The following FAM24B variants were observed in gnomAD, a reference collection of about 807,000 sequenced individuals.
FAM24B encodes the protein family with sequence similarity 24 member B.
A neutral mutation model predicts 2.3 loss-of-function variants in FAM24B; 3 were observed. That is an observed-to-expected ratio of 1.29 (90% CI 0.59 to 3.32). The LOEUF (loss-of-function observed/expected upper bound fraction) is 3.32, where lower values mean the gene tolerates loss of function less well. Ranked by LOEUF, FAM24B falls within the 30% of genes most tolerant of loss-of-function variation. The probability of loss-of-function intolerance (pLI) is 0.03; values close to 1 mark genes in which losing one functional copy is unlikely to be tolerated. For missense variants in FAM24B, 98 were observed against 117.2 expected, an observed-to-expected ratio of 0.84 and a Z score of 0.76; for synonymous variants, 36 against 46.3, an observed-to-expected ratio of 0.78 and a Z score of 0.90.
intron 1 of FAM24B, among the ~76,000 whole-genome samples, chr10:122,864,858 T>C (rs1847778320): frequency 6.6e-6 from 1 of 152,244 alleles, no homozygotes; most frequent in Non-Finnish European, 1.5e-5. Flanking sequence ...CAACTGGCAA[T>C]GTACACTTAA....
chr10:122,864,842 T>G (rs1222338444), intron 1 of FAM24B, among the ~76,000 whole-genome samples: 3 of 152,258 alleles, frequency 2.0e-5, no homozygotes. Context: ...TAAGGCTAAC[T>G]GGTTTCAACT....
Position 122,857,817 on chromosome 10 carries a change from G to A in FAM24B, c.-177-2031C>T, listed in dbSNP as rs117939277. On this transcript the variant is annotated intron_variant, in intron 1 of 3. Coordinates refer to ENST00000368898, the MANE Select transcript of FAM24B (RefSeq NM_152644.3). Reference sequence around the variant, plus strand: ...AACTCACATTTCTAGGCCTTAAACTGTCAAACTGAAGCTTTGAAAAGGAAC... The same window carrying A: ...AACTCACATTTCTAGGCCTTAAACTATCAAACTGAAGCTTTGAAAAGGAAC... Among the ~76,000 whole-genome samples the A allele has an allele frequency of 7.2e-5, 11 of 152,288 alleles. No individual in the cohort carries two copies. In the East Asian group the frequency reaches 2.1e-3, roughly 29 times the overall value.
Position 122,851,967 on chromosome 10 carries a change from C to A in FAM24B, c.-35-1417G>T, listed in dbSNP as rs1052354665. Among the ~76,000 whole-genome samples, 5 of 151,932 alleles carry A rather than the reference C, an allele frequency of 3.3e-5. No homozygotes were observed. In the South Asian group the frequency reaches 1.0e-3, roughly 32 times the overall value. The stretch of plus-strand genomic sequence containing the variant: ...ACTACAATAACTGAAATGAAAAATT[C>A]ACTAGAAGGGCTTTCATAGCAGATT... On this transcript the variant is annotated intron_variant, in intron 2 of 3. Transcript: ENST00000368898.
intron 1 of FAM24B, among the ~76,000 whole-genome samples, chr10:122,860,826 A>G (rs962740087): frequency 1.3e-5 from 2 of 152,152 alleles, no homozygotes; most frequent in Non-Finnish European, 2.9e-5. Flanking sequence ...TTGGTAGATA[A>G]CTTCCTTGAT....
chr10:122,849,225 T>G lies in FAM24B; in HGVS notation c.*22A>C. On this transcript the variant is annotated 3_prime_UTR_variant, in exon 4 of 4. Transcript: ENST00000368898. ...ACTAAGAAGTATTGCTCATGAAGAT[T>G]TTTGTGCCCACCTTTCCTAACTCAG... 6.6e-7 allele frequency: 1 copy of G among 1,513,260 alleles called. No individual in the cohort carries two copies. The highest frequency in any genetic ancestry group is 8.9e-7 in the Non-Finnish European group (1 of 1,126,200). 93.7% of individuals were successfully genotyped at this position (1,513,260 alleles called of 1,614,324 possible). A position where few individuals can be genotyped will look rare whatever the true frequency, so the allele number is the denominator to read the frequency against.
chr10:122,857,885 G>A (rs1847664097), intron 1 of FAM24B, among the ~76,000 whole-genome samples: 1 of 152,174 alleles, frequency 6.6e-6, no homozygotes, highest in Non-Finnish European at 1.5e-5. Context: ...CCCCAAATGG[G>A]CTGGAAGTGC....
At position 122,853,057 on chromosome 10, in the gene FAM24B, T is replaced by C. The variant is rs182427070; in HGVS notation, c.-35-2507A>G. ...ACTTAGGGAACTCACTACCATGCTA[T>C]TACTTTGATCCCAAGGTCCCTAGCT... On this transcript the variant is annotated intron_variant, in intron 2 of 3. Coordinates refer to ENST00000368898, the MANE Select transcript of FAM24B (RefSeq NM_152644.3). 9.5e-4 allele frequency among the ~76,000 whole-genome samples: 145 copies of C among 152,292 alleles called. 1 individual carries two copies. Among genetic ancestry groups the C allele is most frequent in the Non-Finnish European group, 7.4e-5 (5 of 68,024 alleles).
chr10:122,856,541 C>G (rs944229127), intron 1 of FAM24B, among the ~76,000 whole-genome samples: 1 of 152,116 alleles, frequency 6.6e-6, no homozygotes. Context: ...TTCTGCAGCT[C>G]AATCCCAATG....
intron 1 of FAM24B, among the ~76,000 whole-genome samples, chr10:122,872,377 G>C (rs1310522238): frequency 6.6e-6 from 1 of 152,232 alleles, no homozygotes; most frequent in Non-Finnish European, 1.5e-5. Flanking sequence ...AGTCAGTGTG[G>C]CGATTCCTCA....
chr10:122,871,562 C>T (rs1168558818), intron 1 of FAM24B, among the ~76,000 whole-genome samples: 1 of 152,040 alleles, frequency 6.6e-6, no homozygotes, highest in African/African-American at 2.4e-5. Context: ...GTAACCAAAA[C>T]AGCATGGTAC....
intron 1 of FAM24B, among the ~76,000 whole-genome samples, chr10:122,860,913 C>G (rs1367003220): frequency 6.6e-6 from 1 of 152,080 alleles, no homozygotes; most frequent in Non-Finnish European, 1.5e-5. Context: ...AGAGTTCCTT[C>G]TTTATATGCT....
intron 1 of FAM24B, among the ~76,000 whole-genome samples, chr10:122,862,332 T>A (rs1271508073): frequency 2.6e-5 from 4 of 152,218 alleles, no homozygotes; most frequent in African/African-American, 9.6e-5. Context: ...ATAAATGCCA[T>A]GACAACATGG....
intron 1 of FAM24B, among the ~76,000 whole-genome samples, chr10:122,858,895 A>C (rs568194204): frequency 3.9e-5 from 6 of 152,320 alleles, no homozygotes; most frequent in African/African-American, 1.4e-4. Context: ...TCTGTGAGCA[A>C]AATCTGAACA....
intron 1 of FAM24B, among the ~76,000 whole-genome samples, chr10:122,877,892 T>G (rs902117303): frequency 6.6e-6 from 1 of 152,236 alleles, no homozygotes; most frequent in Non-Finnish European, 1.5e-5. Context: ...CCTATTGCTA[T>G]CTCTATCAAT....
At chr10:122,865,195 T>A (rs574229661) in intron 1 of FAM24B, among the ~76,000 whole-genome samples, 1 of 152,322 alleles carries the variant, frequency 6.6e-6, no homozygotes, top group Admixed American at 6.5e-5. Flanking sequence ...GGTTTTGTTT[T>A]TTTATTTTAG....
At chr10:122,856,375 C>T (rs1847637335) in intron 1 of FAM24B, among the ~76,000 whole-genome samples, 1 of 151,816 alleles carries the variant, frequency 6.6e-6, no homozygotes, top group Non-Finnish European at 1.5e-5. Context: ...ATTATGTTCC[C>T]CGTGTAGCAA....
intron 1 of FAM24B, among the ~76,000 whole-genome samples, chr10:122,864,437 A>G (rs986074063): frequency 9.2e-5 from 14 of 152,206 alleles, no homozygotes; most frequent in African/African-American, 3.1e-4. Flanking sequence ...AGCAAAGGAA[A>G]AATGATGGAT....
intron 1 of FAM24B, among the ~76,000 whole-genome samples, chr10:122,870,083 A>G (rs1847867942): frequency 6.6e-6 from 1 of 152,246 alleles, no homozygotes; most frequent in Admixed American, 6.5e-5. Context: ...CATAGACCCA[A>G]TAAAAAATGA....
At chr10:122,868,302 T>G (rs914936923) in intron 1 of FAM24B, among the ~76,000 whole-genome samples, 10 of 152,120 alleles carry the variant, frequency 6.6e-5, no homozygotes, top group African/African-American at 2.2e-4. Context: ...CAAATCTACG[T>G]CTAATTGGTG....
Sources: gnomAD v4.1 joint callset for allele counts (sites outside exome capture counted in the v4.1 genomes callset) on GRCh38, gnomAD v4.1.1 for gene constraint, MANE v1.5 for transcripts, NCBI Gene and HGNC (gene_info 2026-07-23, HGNC 2026-07-21) for gene names.